The following PTPRD variants were observed in gnomAD, a reference collection of about 807,000 sequenced individuals.
PTPRD encodes protein tyrosine phosphatase receptor type D.
Under a neutral mutation model 214.5 loss-of-function variants are expected in PTPRD, and 34 were observed. That is an observed-to-expected ratio of 0.16 (90% CI 0.12 to 0.21). PTPRD has a LOEUF of 0.21. Among genes scored for constraint, PTPRD ranks in the 10% least tolerant of loss-of-function variants. The pLI is 1.00. For missense variants in PTPRD, 2,545 were observed against 2,398.7 expected, an observed-to-expected ratio of 1.06 and a Z score of -1.27; for synonymous variants, 1,128 against 845.7, an observed-to-expected ratio of 1.33 and a Z score of -5.79.
chr9:10,197,580 C>T (rs1318649144), intron 3 of PTPRD, among the ~76,000 whole-genome samples: 1 of 152,116 alleles, frequency 6.6e-6, no homozygotes, highest in Admixed American at 6.6e-5. Flanking sequence ...ACTGTCTTTA[C>T]ATTGAACAAA....
intron 5 of PTPRD, among the ~76,000 whole-genome samples, chr9:9,811,177 C>G (rs1181262605): frequency 6.6e-6 from 1 of 152,036 alleles, no homozygotes; most frequent in Non-Finnish European, 1.5e-5. Context: ...GTACCTCAGC[C>G]TGCGCAACAA....
intron 3 of PTPRD, among the ~76,000 whole-genome samples, chr9:10,204,532 G>A (rs1270745166): frequency 6.6e-6 from 1 of 152,050 alleles, no homozygotes; most frequent in Admixed American, 6.6e-5. Context: ...CAGATAAATT[G>A]AGATGATAGT....
At chr9:10,418,341 T>C (rs2098513101) in intron 2 of PTPRD, among the ~76,000 whole-genome samples, 1 of 151,568 alleles carries the variant, frequency 6.6e-6, no homozygotes, top group South Asian at 2.1e-4. Context: ...TTTTTTTAAG[T>C]ATCCCTTTGC....
chr9:9,118,022 A>G (rs2099813998), intron 10 of PTPRD, among the ~76,000 whole-genome samples: 2 of 152,216 alleles, frequency 1.3e-5, no homozygotes, highest in African/African-American at 4.8e-5. Flanking sequence ...CATGCAAGTG[A>G]GGGACCTGAA....
chr9:8,868,953 A>G (rs2098246910), intron 11 of PTPRD, among the ~76,000 whole-genome samples: 1 of 152,146 alleles, frequency 6.6e-6, no homozygotes, highest in Admixed American at 6.6e-5. Flanking sequence ...ATACAATACA[A>G]ACATCCTCTA....
At chr9:10,590,518 A>G (rs1406404346) in intron 2 of PTPRD, among the ~76,000 whole-genome samples, 1 of 152,024 alleles carries the variant, frequency 6.6e-6, no homozygotes, top group Non-Finnish European at 1.5e-5. Flanking sequence ...TTCTAACACT[A>G]TAAATTCTAA....
chr9:9,975,199 G>T (rs2095308766), intron 4 of PTPRD, among the ~76,000 whole-genome samples: 1 of 152,026 alleles, frequency 6.6e-6, no homozygotes. Flanking sequence ...TTGACATGAT[G>T]GACTTCAGTC....
chr9:9,441,260 C>T (rs940465801), intron 8 of PTPRD, among the ~76,000 whole-genome samples: 3 of 152,128 alleles, frequency 2.0e-5, no homozygotes, highest in Admixed American at 6.5e-5. Flanking sequence ...ATGTCCATCA[C>T]ACCAGTTTCT....
At chr9:8,697,532 C>T (rs1362360431) in intron 12 of PTPRD, among the ~76,000 whole-genome samples, 1 of 149,150 alleles carries the variant, frequency 6.7e-6, no homozygotes, top group African/African-American at 2.5e-5. Context: ...AAGCAATGCT[C>T]CTGCCTCAGC....
rs1220479522 is a variant in PTPRD, at chr9:8,688,390, C to T, written c.64+45390G>A. Among the ~76,000 whole-genome samples the T allele has an allele frequency of 2.0e-5, 3 of 151,920 alleles. No homozygotes were observed. In the East Asian group the frequency reaches 5.8e-4, roughly 29 times the overall value. On this transcript the variant is annotated intron_variant, in intron 12 of 45. Coordinates refer to ENST00000381196, the MANE Select transcript of PTPRD (RefSeq NM_002839.4). ...GACTATCCTAGCTAACATGGTGAAACCCCGTCTCTACTAAAAATACCAAAA... is the reference window on the plus strand; with the variant it reads ...GACTATCCTAGCTAACATGGTGAAATCCCGTCTCTACTAAAAATACCAAAA...
At chr9:9,813,960 G>A (rs2047960375) in intron 5 of PTPRD, among the ~76,000 whole-genome samples, 1 of 152,130 alleles carries the variant, frequency 6.6e-6, no homozygotes, top group South Asian at 2.1e-4. Flanking sequence ...CCATAATCAA[G>A]TGGGATTTAT....
chr9:9,904,697 T>A (rs891912289), intron 5 of PTPRD, among the ~76,000 whole-genome samples: 1 of 151,870 alleles, frequency 6.6e-6, no homozygotes, highest in Admixed American at 6.6e-5. Context: ...TAAGGCAAAA[T>A]ATAAGGTTAA....
intron 8 of PTPRD, among the ~76,000 whole-genome samples, chr9:9,468,334 A>C (rs977942053): frequency 6.6e-6 from 1 of 152,074 alleles, no homozygotes; most frequent in Non-Finnish European, 1.5e-5. Context: ...TCTATATGAA[A>C]TACATACATT....
intron 8 of PTPRD, among the ~76,000 whole-genome samples, chr9:9,493,787 CAAAAA>C (rs750252052): frequency 1.8e-5 from 1 of 54,466 alleles, no homozygotes; most frequent in East Asian, 6.0e-4. Flanking sequence ...GACTCCGTCT[CAAAAA>C]AAAAAAAAAA....
At chr9:8,321,507 A>ATATATG (rs1827930867) in intron 44 of PTPRD, among the ~76,000 whole-genome samples, 1 of 100,020 alleles carries the variant, frequency 1.0e-5, no homozygotes, top group African/African-American at 4.3e-5. Context: ...ATATATATAT[A>ATATATG]TATATATATA....
Position 10,451,220 on chromosome 9 carries a change from C to A in PTPRD, c.-599-110203G>T, listed in dbSNP as rs535623065. Among the ~76,000 whole-genome samples the A allele has an allele frequency of 5.1e-4, 78 of 151,884 alleles. 1 individual carries two copies. Among genetic ancestry groups the A allele is most frequent in the Non-Finnish European group, 9.4e-4 (64 of 67,930 alleles). ...TACCAATTTGAGGCTCTATTTTGAA[C>A]AAAACACTGTTTCAGGTGTGCTGGG... On this transcript the variant is annotated intron_variant, in intron 2 of 45. Transcript: ENST00000381196.
At chr9:8,711,706 T>A (rs574060258) in intron 12 of PTPRD, among the ~76,000 whole-genome samples, 3 of 152,286 alleles carry the variant, frequency 2.0e-5, no homozygotes, top group African/African-American at 4.8e-5. Flanking sequence ...GGCCCAGGTA[T>A]CTGTTGGTTT....
At chr9:9,971,904 ACT>A (rs1332699077) in intron 4 of PTPRD, among the ~76,000 whole-genome samples, 1 of 152,056 alleles carries the variant, frequency 6.6e-6, no homozygotes, top group Admixed American at 6.5e-5. Flanking sequence ...CATGAATAAA[ACT>A]CTCTTTGGAA....
chr9:10,427,295 C>T (rs531685869), intron 2 of PTPRD, among the ~76,000 whole-genome samples: 2 of 152,118 alleles, frequency 1.3e-5, no homozygotes, highest in African/African-American at 2.4e-5. Context: ...ACAGTGTAAG[C>T]ACACCACTAT....
Sources: allele counts gnomAD v4.1 joint callset (sites outside exome capture counted in the v4.1 genomes callset), GRCh38; gene constraint gnomAD v4.1.1; transcripts MANE v1.5; gene names NCBI Gene and HGNC (gene_info 2026-07-23, HGNC 2026-07-21).